POLR3A: variants seen among roughly 807,000 people sequenced by gnomAD.
POLR3A encodes DNA-directed RNA polymerase III subunit RPC1.
Under a neutral mutation model 152.8 loss-of-function variants are expected in POLR3A, and 112 were observed. That is an observed-to-expected ratio of 0.73 (90% CI 0.63 to 0.86). The LOEUF is 0.86. POLR3A is among the 40% of genes least tolerant of loss of function. The pLI is 0.00. For missense variants in POLR3A, 1,385 were observed against 1,743.1 expected (o/e 0.79, Z 3.66); for synonymous variants, 615 against 652.1 (o/e 0.94, Z 0.87).
chr10:77,991,980 T>C (rs73298680), intron 20 of POLR3A, among the ~76,000 whole-genome samples: 9 of 152,214 alleles, frequency 5.9e-5, no homozygotes, highest in Non-Finnish European at 1.0e-4. Context: ...ATTCTTGGCA[T>C]AGTTAGACCA....
intron 27 of POLR3A, 29 bp downstream of exon 27, chr10:77,982,624 G>T: frequency 6.2e-7 from 1 of 1,604,694 alleles, no homozygotes; most frequent in Non-Finnish European, 8.5e-7. Flanking sequence ...GAGATGCTGG[G>T]TCTCCATGAG....
chr10:77,977,524 G>A lies in POLR3A; in HGVS notation c.4127C>T (p.Pro1376Leu), dbSNP rs761488862. 4 of 1,613,992 alleles carry A rather than the reference G, an allele frequency of 2.5e-6. No homozygotes were observed. Among genetic ancestry groups the A allele is most frequent in the Non-Finnish European group, 3.4e-6 (4 of 1,180,016 alleles). ...ADRDPNPPKR[P>L]LIFDTNEFHI... ...GAATTCATTTGTGTCGAAGATCAGG[G>A]GCCTCTTGGGAGGGTTCGGGTCCCT... The change falls in exon 31 of 31, where the codon CCC becomes CTC. Residue 1376 changes from proline to leucine, a missense_variant. By Grantham distance (98) the Pro-to-Leu change is moderately conservative (BLOSUM62 -3). This residue lies in a region of POLR3A where 332 missense variants were observed against 400.1 expected (regional missense o/e 0.83). Transcript: ENST00000372371.
chr10:78,002,340 T>C, intron 16 of POLR3A, 32 bp from the exon 17 acceptor site: 1 of 1,283,090 alleles, frequency 7.8e-7, no homozygotes, highest in Non-Finnish European at 1.1e-6. Flanking sequence ...CTTGGTGGGT[T>C]GTCCTCATTG....
intron 26 of POLR3A, among the ~76,000 whole-genome samples, chr10:77,983,572 C>T (rs1469378): frequency 0.5 from 75,453 of 151,992 alleles, 19,900 homozygotes; most frequent in Non-Finnish European, 0.58. Context: ...CCATGCTGGG[C>T]GCTGGGGATC....
intron 24 of POLR3A, 102 bp downstream of exon 24, chr10:77,985,068 G>T: frequency 1.9e-6 from 2 of 1,045,078 alleles, no homozygotes; most frequent in Non-Finnish European, 3.0e-6. Flanking sequence ...TTAAGACACA[G>T]TCCTATGAGG....
chr10:77,990,677 T>C (rs564252856), intron 21 of POLR3A, among the ~76,000 whole-genome samples: 1 of 149,808 alleles, frequency 6.7e-6, no homozygotes, highest in East Asian at 2.0e-4. Context: ...AGTGCAGTGG[T>C]GCCATCCCGG....
chr10:78,024,147 T>C (rs1049988061), intron 5 of POLR3A, among the ~76,000 whole-genome samples: 15 of 152,104 alleles, frequency 9.9e-5, no homozygotes, highest in Admixed American at 2.6e-4. Context: ...CTGGATCACC[T>C]GTGGTCAGGA....
chr10:77,987,355 C>T (rs560905867), intron 21 of POLR3A, among the ~76,000 whole-genome samples: 1 of 152,124 alleles, frequency 6.6e-6, no homozygotes, highest in Non-Finnish European at 1.5e-5. Context: ...TGGCGGTAAG[C>T]TTGAATGGCA....
intron 30 of POLR3A, among the ~76,000 whole-genome samples, chr10:77,979,504 C>G (rs1847119813): frequency 6.6e-6 from 1 of 150,800 alleles, no homozygotes; most frequent in Admixed American, 6.6e-5. Flanking sequence ...GGGGAGAGTT[C>G]CCCTCGTGCT....
At chr10:78,019,319 A>C in intron 8 of POLR3A, 54 bp from the exon 9 acceptor site, 1 of 1,134,062 alleles carries the variant, frequency 8.8e-7, no homozygotes, top group Non-Finnish European at 1.3e-6. Flanking sequence ...GAAACTAACA[A>C]ATGATACTGA....
At position 77,977,598 on chromosome 10, in the gene POLR3A, G is replaced by A; in HGVS notation, c.4053C>T (p.Ile1351=). 2 of 1,613,426 alleles carry A rather than the reference G, an allele frequency of 1.2e-6. No individual in the cohort carries two copies. Residue 1351 remains isoleucine, a synonymous_variant, in exon 31 of 31, where the codon ATC becomes ATT. Coordinates refer to ENST00000372371, the MANE Select transcript of POLR3A (RefSeq NM_007055.4). ...AGAGCCCGGTTCCAATGTTCATTGG[G>A]ATTCCCATGATGATGCACTCAGACA... ...CGVSECIIMG[I]PMNIGTGLFK... is the part of the protein sequence containing the mutation.
rs562035665 is a variant in POLR3A at position 78,007,745 on chromosome 10, T to C, written c.2031A>G (p.Ala677=). 425 of 1,614,102 alleles carry C rather than the reference T, an allele frequency of 2.6e-4. 5 individuals carry two copies. In the South Asian group the frequency reaches 4.5e-3, roughly 17 times the overall value. ...GCCTGGCGAGCCGTGACATGGCATC[T>C]GCAGCTTCATTCTGTCCCCAGTCTC... The part of the protein sequence containing the change: ...LLRDWGQNEA[A]DAMSRLARLA... The change falls in exon 15 of 31, where the codon GCA becomes GCG. Residue 677 remains alanine (A), a synonymous_variant. Coordinates refer to ENST00000372371, the MANE Select transcript of POLR3A (RefSeq NM_007055.4).
At chr10:78,013,546 G>T in intron 11 of POLR3A, 104 bp downstream of exon 11, 1 of 1,167,240 alleles carries the variant, frequency 8.6e-7, no homozygotes, top group Non-Finnish European at 1.3e-6. Context: ...GAAAGAGCCT[G>T]GCTTCTTTGG....
rs1847158511 is a variant in POLR3A at position 77,982,682 on chromosome 10, G to A, written c.3565C>T (p.Leu1189=). ...ENSKSSMYYV[L]QFLKEDLPKV... ...GGGAGATCCTCTTTCAGGAACTGCA[G>A]CACGTAGTACATGGAGCTCTTGCTG... Residue 1189 remains leucine (L), a synonymous_variant, in exon 27 of 31, where the codon CTG becomes TTG. Coordinates refer to ENST00000372371, the MANE Select transcript of POLR3A (RefSeq NM_007055.4). 6.2e-7 allele frequency: 1 copy of A among 1,613,482 alleles called. No homozygotes were observed. Among genetic ancestry groups the A allele is most frequent in the Admixed American group, 1.7e-5 (1 of 59,990 alleles).
intron 27 of POLR3A, 33 bp downstream of exon 27, chr10:77,982,620 C>G (rs753195175): frequency 6.2e-7 from 1 of 1,604,610 alleles, no homozygotes; most frequent in Non-Finnish European, 8.5e-7. Context: ...CAGGGAGATG[C>G]TGGGTCTCCA....
Position 77,998,782 on chromosome 10 carries a change from G to C in POLR3A, c.2616+1199C>G, listed in dbSNP as rs549292825. The stretch of plus-strand genomic sequence containing the variant: ...TCTAGAACTAGAAATACCATTTGAT[G>C]CAGCAATCCCATTACTGGGTATATA... On this transcript the variant is annotated intron_variant, in intron 19 of 30. Coordinates refer to ENST00000372371, the MANE Select transcript of POLR3A (RefSeq NM_007055.4). 3.3e-5 allele frequency among the ~76,000 whole-genome samples: 5 copies of C among 152,268 alleles called. No homozygotes were observed. The East Asian group carries it at 7.7e-4, about 24-fold the overall frequency.
At chr10:78,028,057 T>A (rs1181530922) in intron 1 of POLR3A, among the ~76,000 whole-genome samples, 1 of 152,168 alleles carries the variant, frequency 6.6e-6, no homozygotes, top group African/African-American at 2.4e-5. Flanking sequence ...ATGGCAACCA[T>A]CCACACAGCT....
intron 26 of POLR3A, among the ~76,000 whole-genome samples, chr10:77,983,256 G>C (rs1847166069): frequency 6.6e-6 from 1 of 152,206 alleles, no homozygotes; most frequent in Non-Finnish European, 1.5e-5. Flanking sequence ...CAAGAGACAG[G>C]CTAGAGAAAT....
Position 78,026,026 on chromosome 10 carries a change from A to G in POLR3A, c.180+68T>C, listed in dbSNP as rs909226456. 10 of 1,593,682 alleles carry G rather than the reference A, an allele frequency of 6.3e-6. No individual in the cohort carries two copies. The African/African-American group carries it at 1.1e-4, about 17-fold the overall frequency. Reference sequence around the variant, plus strand: ...TGGAAGGAAGCCCCTGCTCCTTTCAATCTGGTAAGTCACCAGTTTTATCAG... The same window carrying G: ...TGGAAGGAAGCCCCTGCTCCTTTCAGTCTGGTAAGTCACCAGTTTTATCAG... On this transcript the variant is annotated intron_variant, in intron 2 of 30. Coordinates refer to ENST00000372371, the MANE Select transcript of POLR3A (RefSeq NM_007055.4).
Sources: gnomAD v4.1 joint callset for allele counts (sites outside exome capture counted in the v4.1 genomes callset) on GRCh38, gnomAD v4.1.1 for gene constraint, gnomAD v4.1.1 regional missense constraint, MANE v1.5 for transcripts, NCBI Gene and HGNC (gene_info 2026-07-23, HGNC 2026-07-21) for gene names.